GLT1D1: variants seen among roughly 807,000 people sequenced by gnomAD.
GLT1D1 encodes glycosyltransferase 1 domain-containing protein 1.
GLT1D1 carries 21 observed loss-of-function variants against 28.7 expected under a neutral mutation model. The ratio of observed to expected loss-of-function variants is 0.73; its 90% CI spans 0.52 to 1.05. The LOEUF is 1.05. Ranked by LOEUF, GLT1D1 falls within the 50% of genes least tolerant of loss-of-function variation. GLT1D1 has a pLI of 0.00. For synonymous variants in GLT1D1, 147 were observed against 124.8 expected (o/e 1.18, Z -1.19); for missense variants, 343 against 330.6 (o/e 1.04, Z -0.29).
intron 7 of GLT1D1, among the ~76,000 whole-genome samples, chr12:128,969,499 G>T (rs771036170): frequency 6.6e-6 from 1 of 152,172 alleles, no homozygotes; most frequent in Non-Finnish European, 1.5e-5. Context: ...GGTTTGCCCC[G>T]AGCTGGGTGT....
At chr12:128,882,948 A>T (rs911599891) in intron 2 of GLT1D1, among the ~76,000 whole-genome samples, 1 of 149,702 alleles carries the variant, frequency 6.7e-6, no homozygotes, top group Non-Finnish European at 1.5e-5. Flanking sequence ...TTTTTTTGAG[A>T]CGGAGTCTCA....
rs761881814 is a variant in GLT1D1, at chr12:128,875,950, G to A, written c.105G>A (p.Leu35=). The A allele has an allele frequency of 1.4e-5, 22 of 1,614,096 alleles. No individual in the cohort carries two copies. The South Asian group carries it at 2.4e-4, about 18-fold the overall frequency. The change falls in exon 2 of 8, where the codon TTG becomes TTA. Residue 35 remains leucine (L), a synonymous_variant. Transcript: ENST00000281703. ...AGGCTGCAGGGCACGTGTGCGTTTT[G>A]AAGGATGCCTTTGACTTTGAAAGCC...
chr12:128,931,901 G>A (rs1222636246), intron 4 of GLT1D1, among the ~76,000 whole-genome samples: 2 of 119,274 alleles, frequency 1.7e-5, no homozygotes, highest in African/African-American at 3.7e-5. Context: ...GTGAGGATAT[G>A]TGCACACACA....
chr12:128,922,922 C>CAAAAAA, intron 4 of GLT1D1, among the ~76,000 whole-genome samples: 1 of 97,610 alleles, frequency 1.0e-5, no homozygotes, highest in African/African-American at 4.0e-5. Context: ...GACTCCATCT[C>CAAAAAA]AAAAAAAAAA....
At chr12:128,868,824 C>G (rs368967276) in intron 1 of GLT1D1, among the ~76,000 whole-genome samples, 1 of 152,292 alleles carries the variant, frequency 6.6e-6, no homozygotes, top group Middle Eastern at 3.4e-3. Context: ...ATATTATATT[C>G]TCTTTCACTC....
intron 3 of GLT1D1, among the ~76,000 whole-genome samples, chr12:128,897,829 C>T (rs565889811): frequency 1.6e-4 from 24 of 152,050 alleles, no homozygotes; most frequent in South Asian, 1.5e-3. Context: ...CCACCATGCC[C>T]GGCTAATTTT....
At chr12:128,882,810 CTT>C (rs2135815654) in intron 2 of GLT1D1, among the ~76,000 whole-genome samples, 1 of 152,304 alleles carries the variant, frequency 6.6e-6, no homozygotes, top group East Asian at 1.9e-4. Context: ...TTTCTGGACT[CTT>C]TCCTATACAC....
chr12:128,893,006 G>A (rs1175759920), intron 3 of GLT1D1, among the ~76,000 whole-genome samples: 1 of 152,182 alleles, frequency 6.6e-6, no homozygotes, highest in African/African-American at 2.4e-5. Flanking sequence ...AGCACTTTGA[G>A]AGGCCGAAGC....
chr12:128,911,826 G>A (rs1291831471), intron 4 of GLT1D1, among the ~76,000 whole-genome samples: 2 of 151,986 alleles, frequency 1.3e-5, no homozygotes, highest in Non-Finnish European at 2.9e-5. Flanking sequence ...CGTCATGCAA[G>A]GGCCGCCTTT....
At chr12:128,864,235 C>T (rs1406901926) in intron 1 of GLT1D1, 6 of 572,352 alleles carry the variant, frequency 1.0e-5, no homozygotes, top group East Asian at 3.2e-5. Context: ...GAGAGGCTTC[C>T]GGGCTGAAGA....
intron 1 of GLT1D1, among the ~76,000 whole-genome samples, chr12:128,874,828 T>C (rs1956833521): frequency 6.6e-6 from 1 of 152,200 alleles, no homozygotes; most frequent in African/African-American, 2.4e-5. Context: ...TTTTCTTTAT[T>C]GATTTACGAA....
intron 4 of GLT1D1, chr12:128,944,716 C>T (rs1030084395): frequency 9.5e-6 from 6 of 631,972 alleles, no homozygotes; most frequent in South Asian, 3.3e-5. Flanking sequence ...TTTTGCAGTT[C>T]CTGAAGGGCC....
Position 128,941,569 on chromosome 12 carries a change from C to CTTTT in GLT1D1, c.376-3739_376-3736dup, listed in dbSNP as rs550204231. On this transcript the variant is annotated intron_variant, in intron 4 of 7. Transcript: ENST00000281703. ...GTCTCTTCTTTCTCTCTCTCTTTCTCTTTTTTTTTTTTTTTTTTTTTGAGA... is the reference window on the plus strand; with the variant it reads ...GTCTCTTCTTTCTCTCTCTCTTTCTCTTTTTTTTTTTTTTTTTTTTTTTTTGAGA... Among the ~76,000 whole-genome samples, 82 of 107,564 alleles carry CTTTT rather than the reference C, an allele frequency of 7.6e-4. 2 individuals carry two copies. Among genetic ancestry groups the CTTTT allele is most frequent in the African/African-American group, 2.2e-3 (55 of 24,834 alleles). 70.6% of individuals were successfully genotyped at this position (107,564 alleles called of 152,430 possible).
chr12:128,941,283 T>C (rs544794472), intron 4 of GLT1D1, among the ~76,000 whole-genome samples: 1 of 152,346 alleles, frequency 6.6e-6, no homozygotes, highest in South Asian at 2.1e-4. Context: ...TGTTAAAAAA[T>C]ATTTTGATAT....
At chr12:128,942,319 G>A (rs115201150) in intron 4 of GLT1D1, among the ~76,000 whole-genome samples, 2,461 of 152,190 alleles carry the variant, frequency 0.016, 69 homozygotes, top group African/African-American at 0.057. Context: ...TAGAAAGCAC[G>A]TACGATTAAC....
intron 4 of GLT1D1, among the ~76,000 whole-genome samples, chr12:128,905,112 T>TA (rs1555266321): frequency 1.3e-5 from 2 of 152,150 alleles, no homozygotes; most frequent in Non-Finnish European, 1.5e-5. Context: ...TTACACCACT[T>TA]ACGCCGTTTC....
At chr12:128,942,475 A>G (rs946402582) in intron 4 of GLT1D1, among the ~76,000 whole-genome samples, 12 of 152,328 alleles carry the variant, frequency 7.9e-5, no homozygotes, top group African/African-American at 2.9e-4. Context: ...CCAAAAATAC[A>G]TAAGAACTGC....
chr12:128,878,621 T>A (rs1454466126), intron 2 of GLT1D1, among the ~76,000 whole-genome samples: 2 of 152,170 alleles, frequency 1.3e-5, no homozygotes, highest in Admixed American at 6.5e-5. Flanking sequence ...TTTTTCTTTT[T>A]TTTTGACACA....
chr12:128,934,141 G>A (rs1015731739), intron 4 of GLT1D1, among the ~76,000 whole-genome samples: 3 of 150,444 alleles, frequency 2.0e-5, no homozygotes, highest in Non-Finnish European at 3.0e-5. Context: ...TCTAGGTCAC[G>A]TTCAGTGCCT....
Sources: allele counts gnomAD v4.1 joint callset (sites outside exome capture counted in the v4.1 genomes callset), GRCh38; gene constraint gnomAD v4.1.1; transcripts MANE v1.5; gene names NCBI Gene and HGNC (gene_info 2026-07-23, HGNC 2026-07-21).